SCN3A: variants seen among roughly 807,000 people sequenced by gnomAD.
SCN3A encodes the protein sodium channel protein type 3 subunit alpha.
Under a neutral mutation model 187.6 loss-of-function variants are expected in SCN3A, and 60 were observed. The ratio of observed to expected loss-of-function variants is 0.32; its 90% CI spans 0.26 to 0.40. The LOEUF (loss-of-function observed/expected upper bound fraction) is 0.40. Among genes scored for constraint, SCN3A ranks in the 10% least tolerant of loss-of-function variants. The pLI is 1.00. For missense variants in SCN3A, 1,601 were observed against 2,428.2 expected (o/e 0.66, Z 7.16); for synonymous variants, 788 against 829.2 (o/e 0.95, Z 0.85).
chr2:165,135,887 T>C (rs75842337), intron 15 of SCN3A, among the ~76,000 whole-genome samples: 7,479 of 152,162 alleles, frequency 0.049, 251 homozygotes, highest in Non-Finnish European at 0.076. Flanking sequence ...AAGTTTTGTT[T>C]CCCCAACACT....
At chr2:165,156,376 T>A (rs761711749) in intron 9 of SCN3A, among the ~76,000 whole-genome samples, 7 of 149,994 alleles carry the variant, frequency 4.7e-5, no homozygotes, top group Admixed American at 2.7e-4. Flanking sequence ...AGCTGGGCGT[T>A]GTGGTGGGTG....
chr2:165,148,569 A>G (rs373159559), intron 11 of SCN3A, among the ~76,000 whole-genome samples: 4 of 152,058 alleles, frequency 2.6e-5, no homozygotes, highest in East Asian at 1.9e-4. Context: ...TAGGATTACA[A>G]TGATCTCAGG....
intron 1 of SCN3A, among the ~76,000 whole-genome samples, chr2:165,189,330 A>G (rs1015548178): frequency 5.9e-5 from 9 of 152,238 alleles, no homozygotes; most frequent in Non-Finnish European, 1.3e-4. Context: ...AGTTAAACTA[A>G]GTGAATTTCA....
chr2:165,113,689 G>A, intron 20 of SCN3A, 127 bp downstream of exon 20: 1 of 1,003,954 alleles, frequency 1.0e-6, no homozygotes, highest in South Asian at 1.3e-5. Context: ...AACCTTGGGT[G>A]CCAAGCTCTG....
intron 3 of SCN3A, among the ~76,000 whole-genome samples, chr2:165,170,803 A>T (rs1398151893): frequency 6.6e-6 from 1 of 151,892 alleles, no homozygotes; most frequent in Admixed American, 6.6e-5. Flanking sequence ...TTCTACACAA[A>T]TTTTTTTATG....
intron 9 of SCN3A, among the ~76,000 whole-genome samples, chr2:165,157,195 C>T (rs1689110709): frequency 6.6e-6 from 1 of 152,192 alleles, no homozygotes; most frequent in Non-Finnish European, 1.5e-5. Flanking sequence ...CAGGCGAGAG[C>T]CACCGTGCCC....
chr2:165,172,572 G>A (rs866218330), intron 3 of SCN3A, among the ~76,000 whole-genome samples: 9 of 152,120 alleles, frequency 5.9e-5, no homozygotes, highest in Admixed American at 2.0e-4. Flanking sequence ...AAAGCTCACC[G>A]TAATTTAAGG....
At position 165,094,382 on chromosome 2, in the gene SCN3A, G is replaced by A. The variant is rs758596091; in HGVS notation, c.4528C>T (p.Arg1510Cys). ...GSKKPQKPIPRPANKFQGMVF... is the reference protein window; with the variant it reads ...GSKKPQKPIPCPANKFQGMVF... ...AGACAAGTAATTCTTACTGCTGGGC[G>A]AGGTATGGGTTTCTGAGGTTTCTTG... Residue 1510 changes from arginine to cysteine, a missense_variant, in exon 26 of 28, where the codon CGC becomes TGC. Physicochemically the swap from Arg to Cys is radical, Grantham distance 180. This residue lies in a region of SCN3A where 320 missense variants were observed against 623.2 expected (regional missense o/e 0.51). Transcript: ENST00000283254. 7 of 1,610,848 alleles carry A rather than the reference G, an allele frequency of 4.3e-6. No individual in the cohort carries two copies. Among genetic ancestry groups the A allele is most frequent in the South Asian group, 1.1e-5 (1 of 91,012 alleles).
intron 1 of SCN3A, 112 bp from the exon 2 acceptor site, chr2:165,186,859 G>A (rs867073853): frequency 3.9e-5 from 6 of 151,912 alleles, no homozygotes; most frequent in African/African-American, 7.3e-5. Flanking sequence ...GCCCTGGATC[G>A]AGAAAGCAAG....
rs1452343316 is a variant in SCN3A at position 165,087,529 on chromosome 2, G to C, written c.*2621C>G. On this transcript the variant is annotated 3_prime_UTR_variant, in exon 28 of 28. Coordinates refer to ENST00000283254, the MANE Select transcript of SCN3A (RefSeq NM_006922.4). ...GAAAGAAGCCAATGAATTCCAATTA[G>C]CCACCTTATATAATTTATTATGGGA... 1 of 151,966 alleles carries C rather than the reference G, an allele frequency of 6.6e-6. No homozygotes were observed. The highest frequency in any genetic ancestry group is 1.5e-5 in the Non-Finnish European group (1 of 67,984). The allele number at this position is 151,966 out of a possible 1,614,324, so 9.4% of individuals were successfully genotyped here. A position where few individuals can be genotyped will look rare whatever the true frequency, so the allele number is the denominator to read the frequency against.
intron 21 of SCN3A, among the ~76,000 whole-genome samples, chr2:165,106,929 G>A (rs907757824): frequency 7.2e-5 from 11 of 152,104 alleles, no homozygotes; most frequent in African/African-American, 2.7e-4. Flanking sequence ...GAAGAGGAGG[G>A]GCGAGACTGT....
At chr2:165,165,193 C>A (rs1406771538) in intron 5 of SCN3A, among the ~76,000 whole-genome samples, 3 of 151,336 alleles carry the variant, frequency 2.0e-5, no homozygotes, top group Non-Finnish European at 4.4e-5. Context: ...TTATAAACTG[C>A]CCCCCATTTC....
intron 20 of SCN3A, 90 bp downstream of exon 20, chr2:165,113,726 G>T: frequency 7.1e-7 from 1 of 1,401,806 alleles, no homozygotes; most frequent in Non-Finnish European, 1.0e-6. Flanking sequence ...CTTTTCTTTT[G>T]ATTCTGAAGC....
intron 1 of SCN3A, among the ~76,000 whole-genome samples, chr2:165,188,276 G>A (rs1449063572): frequency 2.0e-5 from 3 of 152,132 alleles, no homozygotes; most frequent in African/African-American, 7.2e-5. Context: ...CTTCAAAGAG[G>A]AGAGAGTATT....
At chr2:165,176,536 A>C (rs1690480647) in intron 2 of SCN3A, 92 bp from the exon 3 acceptor site, 2 of 956,798 alleles carry the variant, frequency 2.1e-6, no homozygotes, top group African/African-American at 3.2e-5. Flanking sequence ...GTAACTTTTT[A>C]AAGCTATAAA....
intron 18 of SCN3A, among the ~76,000 whole-genome samples, chr2:165,116,691 C>T (rs990578657): frequency 5.9e-5 from 9 of 152,066 alleles, no homozygotes; most frequent in South Asian, 4.1e-4. Flanking sequence ...TTAATGAAGA[C>T]GTAATGCAAA....
At chr2:165,190,277 T>C (rs1036829944) in intron 1 of SCN3A, among the ~76,000 whole-genome samples, 2 of 152,180 alleles carry the variant, frequency 1.3e-5, no homozygotes, top group Non-Finnish European at 2.9e-5. Context: ...GTAACTTCGA[T>C]CACCTTCGTG....
Position 165,105,336 on chromosome 2 carries a change from T to C in SCN3A, c.3844-4912A>G, listed in dbSNP as rs138188535. On this transcript the variant is annotated intron_variant, in intron 21 of 27. Coordinates refer to ENST00000283254, the MANE Select transcript of SCN3A (RefSeq NM_006922.4). ...CACAGATGTCTCTTCCAGTATATCC[T>C]GAAGTTGAGTTTTTCCCATTAATAG... 9.8e-5 allele frequency among the ~76,000 whole-genome samples: 15 copies of C among 152,298 alleles called. No individual in the cohort carries two copies. In the East Asian group the frequency reaches 2.9e-3, roughly 29 times the overall value.
At chr2:165,139,702 T>A in intron 13 of SCN3A, 94 bp from the exon 14 acceptor site, 2 of 1,473,578 alleles carry the variant, frequency 1.4e-6, no homozygotes, top group South Asian at 1.1e-5. Context: ...TACATGCAAT[T>A]TTTCCAGGTA....
Sources: allele counts gnomAD v4.1 joint callset (sites outside exome capture counted in the v4.1 genomes callset), GRCh38; gene constraint gnomAD v4.1.1; regional missense constraint gnomAD v4.1.1; transcripts MANE v1.5; gene names NCBI Gene and HGNC (gene_info 2026-07-23, HGNC 2026-07-21).